Variants in MARCHF3 observed in about 807,000 individuals in gnomAD.
MARCHF3 encodes the protein E3 ubiquitin-protein ligase MARCHF3.
A neutral mutation model predicts 24.2 loss-of-function variants in MARCHF3; 13 were observed. The ratio of observed to expected loss-of-function variants is 0.54; its 90% CI spans 0.35 to 0.85. MARCHF3 has a LOEUF of 0.85. Ranked by LOEUF, MARCHF3 falls within the 40% of genes least tolerant of loss-of-function variation. The pLI is 0.01. For synonymous variants in MARCHF3, 144 were observed against 137.3 expected, an observed-to-expected ratio of 1.05 and a Z score of -0.34; for missense variants, 276 against 325.0, an observed-to-expected ratio of 0.85 and a Z score of 1.16.
intron 1 of MARCHF3, among the ~76,000 whole-genome samples, chr5:127,016,388 A>T (rs1339745573): frequency 6.6e-6 from 1 of 152,244 alleles, no homozygotes; most frequent in African/African-American, 2.4e-5. Flanking sequence ...AATATCCAGA[A>T]TCTACAAAGA....
intron 1 of MARCHF3, 26 bp from the exon 2 acceptor site, chr5:126,918,253 C>A: frequency 7.0e-7 from 1 of 1,432,486 alleles, no homozygotes; most frequent in East Asian, 2.5e-5. Flanking sequence ...AAACAGTTTA[C>A]TTGGGCAGGG....
intron 3 of MARCHF3, among the ~76,000 whole-genome samples, chr5:126,908,364 G>A (rs1754380632): frequency 6.6e-6 from 1 of 152,006 alleles, no homozygotes; most frequent in Non-Finnish European, 1.5e-5. Context: ...CTGAATGTTG[G>A]CCTGCCTTGC....
intron 1 of MARCHF3, among the ~76,000 whole-genome samples, chr5:127,022,656 C>G (rs1580500053): frequency 6.6e-6 from 1 of 152,158 alleles, no homozygotes; most frequent in Non-Finnish European, 1.5e-5. Flanking sequence ...CTCCCAACCC[C>G]CGGATCCAAA....
chr5:126,947,888 G>T (rs116044745), intron 1 of MARCHF3, among the ~76,000 whole-genome samples: 12 of 151,912 alleles, frequency 7.9e-5, no homozygotes, highest in South Asian at 2.1e-4. Context: ...TGGGAGGGGT[G>T]GGGGGGCAGC....
At chr5:126,952,873 C>T (rs1001685323) in intron 1 of MARCHF3, among the ~76,000 whole-genome samples, 3 of 152,076 alleles carry the variant, frequency 2.0e-5, no homozygotes, top group Non-Finnish European at 2.9e-5. Context: ...TCTTAATTGT[C>T]TTCCACAGAT....
intron 1 of MARCHF3, among the ~76,000 whole-genome samples, chr5:127,009,475 C>T (rs2126856306): frequency 6.6e-6 from 1 of 152,184 alleles, no homozygotes; most frequent in African/African-American, 2.4e-5. Context: ...TCCACTTGGC[C>T]TTTTCAAAAA....
chr5:126,890,898 C>T (rs1490307097), intron 3 of MARCHF3, among the ~76,000 whole-genome samples: 4 of 148,144 alleles, frequency 2.7e-5, no homozygotes, highest in African/African-American at 1.0e-4. Context: ...GTTTACAGTC[C>T]CACCAACAGT....
At chr5:126,929,311 T>C (rs940004685) in intron 1 of MARCHF3, among the ~76,000 whole-genome samples, 2 of 152,228 alleles carry the variant, frequency 1.3e-5, no homozygotes, top group African/African-American at 4.8e-5. Flanking sequence ...TACTAGCTCA[T>C]AGATGGTACT....
intron 1 of MARCHF3, among the ~76,000 whole-genome samples, chr5:126,966,905 CTTTTTTTTTTTTTTTTTTTTTTTTTT>C (rs779454094): frequency 1.1e-3 from 5 of 4,486 alleles, no homozygotes; most frequent in Admixed American, 3.7e-3. Flanking sequence ...CTGTGAGAGC[CTTTTTTTTTTTTTTTTTTTTTTTTTT>C]TTTTTTTTTT....
At position 126,915,044 on chromosome 5, in the gene MARCHF3, C is replaced by T. The variant is rs747393898; in HGVS notation, c.279G>A (p.Leu93=). ...CCAGGCAGCTCCGATGAATTGTCCC[C>T]AAGGTCCCTGTACATTCACATGGAG... The part of the protein sequence containing the change: ...LLSPCECTGT[L]GTIHRSCLEH... The change falls in exon 3 of 5, where the codon TTG becomes TTA. Residue 93 remains leucine, a synonymous_variant. Transcript: ENST00000308660. The T allele has an allele frequency of 6.2e-7, 1 of 1,614,062 alleles. No individual in the cohort carries two copies. The highest frequency in any genetic ancestry group is 1.3e-5 in the African/African-American group (1 of 74,930).
chr5:127,000,244 T>C (rs545667366), intron 1 of MARCHF3, among the ~76,000 whole-genome samples: 19 of 151,998 alleles, frequency 1.3e-4, no homozygotes, highest in Admixed American at 1.2e-3. Flanking sequence ...TTTGGAAACA[T>C]GTTTCTCAGA....
chr5:126,924,425 A>C (rs1749227285), intron 1 of MARCHF3, among the ~76,000 whole-genome samples: 1 of 152,218 alleles, frequency 6.6e-6, no homozygotes, highest in South Asian at 2.1e-4. Flanking sequence ...AAATGGCAAT[A>C]ATGGTCTGTC....
chr5:127,009,461 C>T (rs756317627), intron 1 of MARCHF3, among the ~76,000 whole-genome samples: 1 of 151,980 alleles, frequency 6.6e-6, no homozygotes, highest in South Asian at 2.1e-4. Context: ...TTTATAGTAC[C>T]CTTTCCACTT....
At chr5:126,900,606 G>T (rs1489482378) in intron 3 of MARCHF3, among the ~76,000 whole-genome samples, 1 of 23,586 alleles carries the variant, frequency 4.2e-5, no homozygotes, top group Non-Finnish European at 9.5e-5. Flanking sequence ...AAGCCATTCA[G>T]TTTACAGTAT....
chr5:127,020,814 A>G (rs1326335663), intron 1 of MARCHF3, among the ~76,000 whole-genome samples: 2 of 152,004 alleles, frequency 1.3e-5, no homozygotes, highest in African/African-American at 4.8e-5. Context: ...GTGCCACTCT[A>G]CTCCAGCCTG....
In MARCHF3 at chr5:126,953,519, T is replaced by C. The variant is rs1399293265; in HGVS notation, c.-56-35292A>G. 2.0e-5 allele frequency among the ~76,000 whole-genome samples: 3 copies of C among 152,198 alleles called. No individual in the cohort carries two copies. In the East Asian group the frequency reaches 5.8e-4, roughly 29 times the overall value. On this transcript the variant is annotated intron_variant, in intron 1 of 4. Transcript: ENST00000308660. ...TTTATTCTGCTTTTATATTGATGAA[T>C]GGCTCAATGGTACGTAAGTTCTAGG...
intron 1 of MARCHF3, among the ~76,000 whole-genome samples, chr5:126,987,313 G>T (rs150182083): frequency 1.2e-4 from 19 of 152,196 alleles, no homozygotes; most frequent in Non-Finnish European, 2.6e-4. Context: ...TTAAACATTT[G>T]ATACGAGGGT....
chr5:126,912,255 C>T (rs563570736), intron 3 of MARCHF3, among the ~76,000 whole-genome samples: 1 of 152,112 alleles, frequency 6.6e-6, no homozygotes, highest in African/African-American at 2.4e-5. Flanking sequence ...GGGGGATGAA[C>T]AGTTATGCAG....
intron 2 of MARCHF3, among the ~76,000 whole-genome samples, chr5:126,916,734 G>C (rs371726437): frequency 1.9e-3 from 116 of 59,834 alleles, no homozygotes; most frequent in Middle Eastern, 6.8e-3. Flanking sequence ...CACACACACA[G>C]AGGCTCACAG....
Sources: gnomAD v4.1 joint callset for allele counts (sites outside exome capture counted in the v4.1 genomes callset) on GRCh38, gnomAD v4.1.1 for gene constraint, MANE v1.5 for transcripts, NCBI Gene and HGNC (gene_info 2026-07-23, HGNC 2026-07-21) for gene names.